SCN7A: variants seen among roughly 807,000 people sequenced by gnomAD.
SCN7A encodes sodium voltage-gated channel alpha subunit 7, also known as sodium channel protein type 7 subunit alpha.
Under a neutral mutation model 155.2 loss-of-function variants are expected in SCN7A, and 138 were observed. The ratio of observed to expected loss-of-function variants is 0.89; its 90% CI spans 0.77 to 1.02. SCN7A has a LOEUF of 1.02. Ranked by LOEUF, SCN7A falls within the 50% of genes least tolerant of loss-of-function variation. The pLI is 0.00. For synonymous variants in SCN7A, 693 were observed against 649.0 expected (o/e 1.07, Z -1.03); for missense variants, 2,058 against 1,986.6 (o/e 1.04, Z -0.68).
chr2:166,483,953 C>G (rs1002012343), intron 2 of SCN7A, among the ~76,000 whole-genome samples: 5 of 151,828 alleles, frequency 3.3e-5, no homozygotes, highest in African/African-American at 9.7e-5. Flanking sequence ...TATAGTACAT[C>G]CTTAAAAGGA....
At position 166,474,275 on chromosome 2, in the gene SCN7A, A is replaced by G. The variant is rs1479451707; in HGVS notation, c.304T>C (p.Ser102Pro). Reference protein sequence around the residue: ...FNAASILCTLSPFNCIRRTTI... With the variant: ...FNAASILCTLPPFNCIRRTTI... ...GTTCTTCTAATACAATTGAAAGGAG[A>G]CAATGTACACAAGATGGAAGCCGCA... The change falls in exon 4 of 26, where the codon TCT (serine) becomes CCT (proline). Residue 102 changes from serine to proline, a missense_variant. By Grantham distance (74) the Ser-to-Pro change is moderately conservative (BLOSUM62 -1). Transcript: ENST00000643258. 6.6e-7 allele frequency: 1 copy of G among 1,525,930 alleles called. No individual in the cohort carries two copies. The highest frequency in any genetic ancestry group is 8.8e-7 in the Non-Finnish European group (1 of 1,131,566). The allele number at this position is 1,525,930 out of a possible 1,614,324, so 94.5% of individuals were successfully genotyped here.
At position 166,439,079 on chromosome 2, in the gene SCN7A, A is replaced by ATATT. The variant is rs59673851; in HGVS notation, c.2157+2316_2157+2317insAATA. Among the ~76,000 whole-genome samples, 5 of 146,346 alleles carry ATATT rather than the reference A, an allele frequency of 3.4e-5. No homozygotes were observed. In the Admixed American group the frequency reaches 3.4e-4, roughly 10 times the overall value. The stretch of plus-strand genomic sequence containing the variant: ...TGTATATATATATATATATATATAT[A>ATATT]GCCTCAGTATTTCTGCTTCTTTCTC... On this transcript the variant is annotated intron_variant, in intron 15 of 25. Coordinates refer to ENST00000643258, the MANE Select transcript of SCN7A (RefSeq NM_002976.4).
At chr2:166,415,221 C>T (rs1701348535) in intron 21 of SCN7A, among the ~76,000 whole-genome samples, 1 of 141,314 alleles carries the variant, frequency 7.1e-6, no homozygotes, top group Non-Finnish European at 1.5e-5. Flanking sequence ...TAACTTTTGT[C>T]TCTTTTTTTT....
Position 166,443,507 on chromosome 2 carries a change from C to T in SCN7A, c.1796G>A (p.Arg599Lys). 1.3e-6 allele frequency: 2 copies of T among 1,591,044 alleles called. No individual in the cohort carries two copies. The highest frequency in any genetic ancestry group is 2.3e-5 in the South Asian group (2 of 86,368). Residue 599 changes from arginine to lysine, a missense_variant, in exon 14 of 26, where the codon AGG becomes AAG. Arg to Lys is a conservative substitution (Grantham distance 26). Transcript: ENST00000643258. ...TAGGTATTGGATTCTACTTACCATC[C>T]TGAATAATCGAAGAAGAGCCATTCC... ...VAGMALLRLF[R>K]MLRIFKLGKY...
intron 9 of SCN7A, 148 bp from the exon 10 acceptor site, chr2:166,462,678 A>T: frequency 3.1e-6 from 2 of 648,550 alleles, no homozygotes; most frequent in Non-Finnish European, 5.0e-6. Flanking sequence ...ATTGCTTGCT[A>T]AAAAGTCACA....
chr2:166,478,104 T>C (rs1418544983), intron 2 of SCN7A, among the ~76,000 whole-genome samples: 1 of 151,886 alleles, frequency 6.6e-6, no homozygotes, highest in South Asian at 2.1e-4. Flanking sequence ...TTACTCATCA[T>C]TGGCCCTGCA....
intron 23 of SCN7A, among the ~76,000 whole-genome samples, chr2:166,411,737 T>A (rs1429581904): frequency 6.6e-6 from 1 of 152,012 alleles, no homozygotes; most frequent in Non-Finnish European, 1.5e-5. Flanking sequence ...TCAGGTTAGG[T>A]ACTACCCTGC....
rs144458511 is a variant in SCN7A at position 166,416,782 on chromosome 2, G to A, written c.3339C>T (p.Asn1113=). 1.8e-4 allele frequency: 289 copies of A among 1,613,210 alleles called. No homozygotes were observed. The East Asian group carries it at 4.2e-3, about 23-fold the overall frequency. The change falls in exon 21 of 26, where the codon AAC becomes AAT. Residue 1113 remains asparagine (N), a synonymous_variant. Transcript: ENST00000643258. ...TTGCATTTTCCCATAGCATGGATTC[G>A]TTAAACAGAAGGCTTTCACACCGAC... ...NKSRCESLLF[N]ESMLWENAKM...
In SCN7A at chr2:166,457,003, G is replaced by A; in HGVS notation, c.1157C>T (p.Ala386Val). The A allele has an allele frequency of 1.2e-6, 2 of 1,610,268 alleles. No homozygotes were observed. Among genetic ancestry groups the A allele is most frequent in the South Asian group, 2.2e-5 (2 of 90,288 alleles). ...GGCAAGTATGCCTAAGAACAAACTT[G>A]CCATATAAAAGGAAAACAAAAAACT... is the stretch of plus-strand genomic sequence containing the variant. Reference protein sequence around the residue: ...VVSFLFSFYMASLFLGILAMA... With the variant: ...VVSFLFSFYMVSLFLGILAMA... Residue 386 changes from alanine (A) to valine (V), a missense_variant, in exon 11 of 26, where the codon GCA becomes GTA. Transcript: ENST00000643258.
At chr2:166,449,130 T>C (rs1702126255) in intron 11 of SCN7A, among the ~76,000 whole-genome samples, 2 of 152,210 alleles carry the variant, frequency 1.3e-5, no homozygotes, top group Non-Finnish European at 2.9e-5. Flanking sequence ...TATTACAAAT[T>C]CTATGCATTG....
At chr2:166,457,106 A>T in intron 10 of SCN7A, 30 bp from the exon 11 acceptor site, 2 of 1,463,890 alleles carry the variant, frequency 1.4e-6, no homozygotes, top group South Asian at 2.5e-5. Flanking sequence ...AAGGCAAAAG[A>T]GTAAAATGTT....
chr2:166,483,401 GTA>G (rs1395791932), intron 2 of SCN7A, among the ~76,000 whole-genome samples: 2 of 151,994 alleles, frequency 1.3e-5, no homozygotes, highest in East Asian at 3.9e-4. Context: ...TGGGGTTTGT[GTA>G]TGTTTGTTAT....
At position 166,443,505 on chromosome 2, in the gene SCN7A, T is replaced by A. The variant is rs34183637; in HGVS notation, c.1798A>T (p.Met600Leu). The change falls in exon 14 of 26, where the codon ATG (methionine) becomes TTG (leucine). Residue 600 changes from methionine (M) to leucine (L), a missense_variant and splice_region_variant. Met to Leu is a conservative substitution (Grantham distance 15). Coordinates refer to ENST00000643258, the MANE Select transcript of SCN7A (RefSeq NM_002976.4). ...GTTAGGTATTGGATTCTACTTACCA[T>A]CCTGAATAATCGAAGAAGAGCCATT... is the stretch of plus-strand genomic sequence containing the variant. ...AGMALLRLFR[M>L]LRIFKLGKYW... 3,785 of 1,590,294 alleles carry A rather than the reference T, an allele frequency of 2.4e-3. 99 individuals are homozygous for A. In the African/African-American group the frequency reaches 0.046, roughly 20 times the overall value.
At chr2:166,419,980 TATA>T (rs1701477437) in intron 20 of SCN7A, among the ~76,000 whole-genome samples, 1 of 152,122 alleles carries the variant, frequency 6.6e-6, no homozygotes, top group African/African-American at 2.4e-5. Flanking sequence ...TAAGTACTAT[TATA>T]ATGAGTCAAC....
rs1701141994 is a variant in SCN7A, at chr2:166,409,170, T to A, written c.3982+495A>T. Among the ~76,000 whole-genome samples, 3 of 151,998 alleles carry A rather than the reference T, an allele frequency of 2.0e-5. No homozygotes were observed. The South Asian group carries it at 6.2e-4, about 31-fold the overall frequency. On this transcript the variant is annotated intron_variant, in intron 25 of 25. Transcript: ENST00000643258. ...TAACAGTCTTTATTCTCAAAGAGAATTATCAAGTGTATTTATTAAATAAGA... is the reference window on the plus strand; with the variant it reads ...TAACAGTCTTTATTCTCAAAGAGAAATATCAAGTGTATTTATTAAATAAGA...
chr2:166,444,045 A>C (rs1293803614), intron 13 of SCN7A, among the ~76,000 whole-genome samples: 1 of 152,166 alleles, frequency 6.6e-6, no homozygotes, highest in Non-Finnish European at 1.5e-5. Flanking sequence ...GAACCTATGG[A>C]AGCTGTCCTT....
chr2:166,411,743 C>T (rs554346238), intron 23 of SCN7A, among the ~76,000 whole-genome samples: 5 of 152,048 alleles, frequency 3.3e-5, no homozygotes, highest in African/African-American at 9.6e-5. Context: ...TAGGTACTAC[C>T]CTGCGGTTTC....
intron 2 of SCN7A, among the ~76,000 whole-genome samples, chr2:166,481,558 A>G (rs1452912025): frequency 6.6e-6 from 1 of 152,196 alleles, no homozygotes; most frequent in Non-Finnish European, 1.5e-5. Flanking sequence ...ACTGCAATAC[A>G]AATCAATACT....
At position 166,405,987 on chromosome 2, in the gene SCN7A, G is replaced by C; in HGVS notation, c.4642C>G (p.Pro1548Ala). 6.2e-7 allele frequency: 1 copy of C among 1,612,958 alleles called. No individual in the cohort carries two copies. The highest frequency in any genetic ancestry group is 8.5e-7 in the Non-Finnish European group (1 of 1,179,372). The change falls in exon 26 of 26, where the codon CCT becomes GCT. Residue 1548 changes from proline to alanine, a missense_variant. Transcript: ENST00000643258. ...LSDFAAALDPPLFMAKPNKGQ... is the reference protein window; with the variant it reads ...LSDFAAALDPALFMAKPNKGQ... ...TTGTTTGGTTTTGCCATGAAAAGAG[G>C]AGGATCAAGAGCAGCTGCAAAATCT...
Sources: allele counts gnomAD v4.1 joint callset (sites outside exome capture counted in the v4.1 genomes callset), GRCh38; gene constraint gnomAD v4.1.1; transcripts MANE v1.5; gene names NCBI Gene and HGNC (gene_info 2026-07-23, HGNC 2026-07-21).